Variants in SNX29 observed in about 807,000 individuals in gnomAD.
SNX29 encodes sorting nexin 29, also known as sorting nexin-29.
Under a neutral mutation model 102.1 loss-of-function variants are expected in SNX29, and 78 were observed. The ratio of observed to expected loss-of-function variants is 0.76; its 90% CI spans 0.64 to 0.92. The LOEUF (loss-of-function observed/expected upper bound fraction) is 0.92, where lower values mean the gene tolerates loss of function less well. Ranked by LOEUF, SNX29 falls within the 40% of genes least tolerant of loss-of-function variation. The pLI, the probability that SNX29 is intolerant of heterozygous loss-of-function variation, is 0.00. For missense variants in SNX29, 1,280 were observed against 1,061.7 expected (o/e 1.21, Z -2.86); for synonymous variants, 580 against 414.5 (o/e 1.40, Z -4.85).
intron 10 of SNX29, among the ~76,000 whole-genome samples, chr16:12,072,187 A>C (rs2051330908): frequency 6.6e-6 from 1 of 151,326 alleles, no homozygotes; most frequent in African/African-American, 2.4e-5. Flanking sequence ...TGCCCTGGCC[A>C]AAACTTTCAA....
At chr16:12,330,263 T>G (rs2151209170) in intron 15 of SNX29, among the ~76,000 whole-genome samples, 1 of 152,266 alleles carries the variant, frequency 6.6e-6, no homozygotes, top group Middle Eastern at 3.4e-3. Context: ...TTTCCTCACC[T>G]GGCGACCAGC....
At chr16:12,467,541 G>T (rs1343090048) in intron 18 of SNX29, among the ~76,000 whole-genome samples, 4 of 152,204 alleles carry the variant, frequency 2.6e-5, no homozygotes, top group African/African-American at 9.7e-5. Flanking sequence ...CTCCCTGGCA[G>T]TGCTCTCATG....
chr16:12,108,207 G>C (rs1202759126), intron 11 of SNX29, among the ~76,000 whole-genome samples: 2 of 152,226 alleles, frequency 1.3e-5, no homozygotes, highest in Non-Finnish European at 2.9e-5. Context: ...TACTAGCCTT[G>C]TCTGGCATTC....
chr16:12,542,740 A>T (rs552619801), intron 20 of SNX29, among the ~76,000 whole-genome samples: 6,862 of 150,346 alleles, frequency 0.046, 270 homozygotes, highest in East Asian at 0.18. Context: ...TGTGCATATA[A>T]GCACTAGACT....
At chr16:12,170,909 G>A (rs893770801) in intron 13 of SNX29, among the ~76,000 whole-genome samples, 4 of 151,982 alleles carry the variant, frequency 2.6e-5, no homozygotes, top group Non-Finnish European at 4.4e-5. Flanking sequence ...CGGAGGCCCT[G>A]ATGGCTGGAG....
chr16:12,003,188 T>G (rs1032389542), intron 3 of SNX29, 145 bp downstream of exon 3: 1 of 945,076 alleles, frequency 1.1e-6, no homozygotes, highest in East Asian at 2.4e-5. Flanking sequence ...AGCCAAGAGG[T>G]GCAGCGCTGA....
chr16:12,315,870 T>C (rs2080716150), intron 15 of SNX29, among the ~76,000 whole-genome samples: 1 of 152,338 alleles, frequency 6.6e-6, no homozygotes, highest in Non-Finnish European at 1.5e-5. Flanking sequence ...AATATTGTTA[T>C]TAAATCAGGA....
At chr16:12,234,396 C>A (rs370335623) in intron 14 of SNX29, among the ~76,000 whole-genome samples, 3 of 152,068 alleles carry the variant, frequency 2.0e-5, no homozygotes, top group South Asian at 2.1e-4. Flanking sequence ...CTGTCCATTG[C>A]TTAATTTGTT....
At chr16:11,989,344 C>G (rs890566898) in intron 1 of SNX29, among the ~76,000 whole-genome samples, 4 of 152,124 alleles carry the variant, frequency 2.6e-5, no homozygotes, top group Non-Finnish European at 5.9e-5. Context: ...CACCATAAGC[C>G]CACATGGATG....
chr16:12,554,666 C>A lies in SNX29; in HGVS notation c.2319-13840C>A, dbSNP rs546252626. Among the ~76,000 whole-genome samples, 13 of 152,328 alleles carry A rather than the reference C, an allele frequency of 8.5e-5. No individual in the cohort carries two copies. In the East Asian group the frequency reaches 1.9e-3, roughly 23 times the overall value. ...TTTCACCAGTTTGTGCATTTGCTAA[C>A]CACAGGGATGCCAATTCTCAGCATC... On this transcript the variant is annotated intron_variant, in intron 20 of 20. Transcript: ENST00000566228.
intron 16 of SNX29, among the ~76,000 whole-genome samples, chr16:12,370,266 C>T (rs1293567333): frequency 2.0e-5 from 3 of 151,412 alleles, no homozygotes; most frequent in African/African-American, 7.3e-5. Context: ...CAATCAACAA[C>T]AAAAATAAAG....
intron 15 of SNX29, among the ~76,000 whole-genome samples, chr16:12,322,658 G>A (rs143870395): frequency 1.3e-5 from 2 of 152,154 alleles, no homozygotes; most frequent in African/African-American, 4.8e-5. Flanking sequence ...CTATTAGGAT[G>A]CAGTCACTGG....
At chr16:12,097,786 G>C (rs1235058988) in intron 11 of SNX29, among the ~76,000 whole-genome samples, 1 of 152,198 alleles carries the variant, frequency 6.6e-6, no homozygotes, top group Non-Finnish European at 1.5e-5. Flanking sequence ...TGGGCCTCTC[G>C]CTCAGGGGAT....
At chr16:11,989,260 A>G (rs1480098458) in intron 1 of SNX29, among the ~76,000 whole-genome samples, 13 of 152,200 alleles carry the variant, frequency 8.5e-5, no homozygotes, top group Admixed American at 8.5e-4. Flanking sequence ...GACGTGAGCC[A>G]TGATGCCCGG....
chr16:12,556,201 C>T (rs2856791), intron 20 of SNX29, among the ~76,000 whole-genome samples: 29,950 of 152,016 alleles, frequency 0.2, 3,122 homozygotes, highest in East Asian at 0.43. Flanking sequence ...GTCTGAAATG[C>T]AACCTAGGGT....
intron 16 of SNX29, among the ~76,000 whole-genome samples, chr16:12,376,768 T>A (rs2082890356): frequency 6.7e-6 from 1 of 149,658 alleles, no homozygotes; most frequent in African/African-American, 2.5e-5. Flanking sequence ...AGAACAATTC[T>A]ATGGCAGGAG....
At chr16:12,511,527 C>A (rs2089618863) in intron 19 of SNX29, among the ~76,000 whole-genome samples, 1 of 152,136 alleles carries the variant, frequency 6.6e-6, no homozygotes, top group African/African-American at 2.4e-5. Context: ...TGTAACTGGG[C>A]CTTCAGCTCC....
At chr16:12,520,510 G>A (rs2090057502) in intron 19 of SNX29, among the ~76,000 whole-genome samples, 1 of 152,158 alleles carries the variant, frequency 6.6e-6, no homozygotes. Context: ...GTGCTGTAGG[G>A]ACACAGGGCA....
intron 3 of SNX29, among the ~76,000 whole-genome samples, chr16:12,007,665 C>G (rs1396708455): frequency 3.9e-5 from 6 of 152,192 alleles, no homozygotes; most frequent in African/African-American, 1.4e-4. Flanking sequence ...TCACTTCCCT[C>G]CAACTCCTCT....
Sources: allele counts gnomAD v4.1 joint callset (sites outside exome capture counted in the v4.1 genomes callset), GRCh38; gene constraint gnomAD v4.1.1; transcripts MANE v1.5; gene names NCBI Gene and HGNC (gene_info 2026-07-23, HGNC 2026-07-21).